MOGS: variants seen among roughly 807,000 people sequenced by gnomAD.
MOGS encodes the protein epididymis secretory sperm binding protein.
In MOGS, 45 loss-of-function variants were observed where a neutral mutation model predicts 68.5. The ratio of observed to expected loss-of-function variants is 0.66; its 90% CI spans 0.52 to 0.84. The LOEUF (loss-of-function observed/expected upper bound fraction) is 0.84. MOGS is among the 40% of genes least tolerant of loss of function. The probability of loss-of-function intolerance (pLI) is 0.00; values close to 1 mark genes in which losing one functional copy is unlikely to be tolerated. For synonymous variants in MOGS, 492 were observed against 461.2 expected (o/e 1.07, Z -0.86); for missense variants, 1,020 against 1,095.0 (o/e 0.93, Z 0.97).
chr2:74,463,306 C>G lies in MOGS; in HGVS notation c.660G>C (p.Glu220Asp), dbSNP rs759959086. The G allele has an allele frequency of 8.1e-6, 13 of 1,614,064 alleles. No homozygotes were observed. The highest frequency in any genetic ancestry group is 6.8e-6 in the Non-Finnish European group (8 of 1,180,054). ...ACTTCAACTGCCCCTTGGCCCCAAC[C>G]TCTGGTAGTAGGACTTCCTTGCCAT... is the stretch of plus-strand genomic sequence containing the variant. ...VTDGKEVLLP[E>D]VGAKGQLKFI... The change falls in exon 3 of 4, where the codon GAG becomes GAC. Residue 220 changes from glutamate to aspartate, a missense_variant. Physicochemically the swap from Glu to Asp is conservative, Grantham distance 45 (BLOSUM62 2). Around this residue, in one of 3 missense-constraint regions of MOGS, gnomAD observed 569 missense variants for 571.9 expected, o/e 0.99. Coordinates refer to ENST00000448666, the MANE Select transcript of MOGS (RefSeq NM_006302.3).
Position 74,461,580 on chromosome 2 carries a change from A to C in MOGS, c.2209T>G (p.Phe737Val), listed in dbSNP as rs1365187021. The C allele has an allele frequency of 1.2e-6, 2 of 1,613,854 alleles. No individual in the cohort carries two copies. The highest frequency in any genetic ancestry group is 2.7e-5 in the African/African-American group (2 of 74,930). Residue 737 changes from phenylalanine to valine, a missense_variant, in exon 4 of 4, where the codon TTT becomes GTT. Phe to Val is a conservative substitution (Grantham distance 50). Around this residue, in one of 3 missense-constraint regions of MOGS, gnomAD observed 270 missense variants for 261.3 expected, o/e 1.03. Transcript: ENST00000448666. The stretch of plus-strand genomic sequence containing the variant: ...TGCTCTGAATTGCGCTGGCCATAAA[A>C]GGAGCTGGAGGCTGCAAGGGAGCGT... The part of the protein sequence containing the change: ...GLRSLAASSS[F>V]YGQRNSEHDP...
At position 74,461,683 on chromosome 2, in the gene MOGS, C is replaced by T; in HGVS notation, c.2106G>A (p.Leu702=). 1 of 1,614,180 alleles carries T rather than the reference C, an allele frequency of 6.2e-7. No homozygotes were observed. Among genetic ancestry groups the T allele is most frequent in the South Asian group, 1.1e-5 (1 of 91,084 alleles). Residue 702 remains leucine, a synonymous_variant, in exon 4 of 4, where the codon CTG becomes CTA. Transcript: ENST00000448666. ...VSLFPLLLRL[L]DPTSSRLGPL... is the part of the protein sequence containing the mutation. ...GCCCAAGGCGGGATGAGGTGGGGTC[C>T]AGCAGTCGCAGCAGCAAGGGAAAAA... is the stretch of plus-strand genomic sequence containing the variant.
chr2:74,464,295 G>C (rs946398428), intron 2 of MOGS: 1 of 596,824 alleles, frequency 1.7e-6, no homozygotes, highest in Non-Finnish European at 3.0e-6. Flanking sequence ...TGTGAGTTAA[G>C]TGCTATTATT....
At position 74,462,355 on chromosome 2, in the gene MOGS, T is replaced by C. The variant is rs764300442; in HGVS notation, c.1434A>G (p.Leu478=). Residue 478 remains leucine (L), a synonymous_variant, in exon 4 of 4, where the codon CTA becomes CTG. Transcript: ENST00000448666. ...REALGHWLGL[L]NADGWIGREQ... ...CCCTCCCAATCCAGCCATCAGCATT[T>C]AGCAGCCCCAGCCAGTGGCCAAGGG... 15 of 1,614,040 alleles carry C rather than the reference T, an allele frequency of 9.3e-6. No individual in the cohort carries two copies. The highest frequency in any genetic ancestry group is 1.2e-5 in the Non-Finnish European group (14 of 1,179,988).
chr2:74,464,184 C>A (rs566684273), intron 2 of MOGS, among the ~76,000 whole-genome samples: 1 of 152,008 alleles, frequency 6.6e-6, no homozygotes, highest in South Asian at 2.1e-4. Context: ...GTCTGGAACT[C>A]CTGACCTCAG....
At position 74,462,594 on chromosome 2, in the gene MOGS, G is replaced by C; in HGVS notation, c.1195C>G (p.Leu399Val). The stretch of plus-strand genomic sequence containing the variant: ...CCGTAGAAGTAGCCAATTCCACCAA[G>C]GAGGCCGCTGAGGGCAGCCTGACCC... Reference protein sequence around the residue: ...VLGQAALSGLLGGIGYFYGQG... With the variant: ...VLGQAALSGLVGGIGYFYGQG... Residue 399 changes from leucine to valine, a missense_variant, in exon 4 of 4, where the codon CTT becomes GTT. Leu to Val is a conservative substitution (Grantham distance 32). This residue lies in a region of MOGS where 569 missense variants were observed against 571.9 expected (regional missense o/e 0.99). Transcript: ENST00000448666. The C allele has an allele frequency of 1.2e-6, 2 of 1,614,042 alleles. No homozygotes were observed. The highest frequency in any genetic ancestry group is 1.7e-6 in the Non-Finnish European group (2 of 1,179,952).
Position 74,462,950 on chromosome 2 carries a change from C to T in MOGS, c.839G>A (p.Arg280His), listed in dbSNP as rs571061699. ...CCGATGCTGAAACCAGCTATTTAGG[C>T]GACTCTTTACCATCTCTGTCAGCAG... is the stretch of plus-strand genomic sequence containing the variant. The part of the protein sequence containing the change: ...LPLLTEMVKS[R>H]LNSWFQHRPP... Residue 280 changes from arginine (R) to histidine (H), a missense_variant, in exon 4 of 4, where the codon CGC (arginine) becomes CAC (histidine). Coordinates refer to ENST00000448666, the MANE Select transcript of MOGS (RefSeq NM_006302.3). 2.4e-5 allele frequency: 38 copies of T among 1,614,166 alleles called. No homozygotes were observed. The South Asian group carries it at 2.7e-4, about 12-fold the overall frequency.
In MOGS at chr2:74,465,310, T is replaced by C; in HGVS notation, c.-63A>G. 1 of 1,247,932 alleles carries C rather than the reference T, an allele frequency of 8.0e-7. No homozygotes were observed. The highest frequency in any genetic ancestry group is 1.0e-6 in the Non-Finnish European group (1 of 973,456). The allele number at this position is 1,247,932 out of a possible 1,614,324, so 77.3% of individuals were successfully genotyped here. On this transcript the variant is annotated 5_prime_UTR_variant, in exon 1 of 4. Coordinates refer to ENST00000448666, the MANE Select transcript of MOGS (RefSeq NM_006302.3). Reference sequence around the variant, plus strand: ...GCGGCAGTGGAGCCCGGGTCCTGCCTCACCTCTCCGGCTCCCGCCTCTCGC... The same window carrying C: ...GCGGCAGTGGAGCCCGGGTCCTGCCCCACCTCTCCGGCTCCCGCCTCTCGC...
At chr2:74,463,499 AAAC>A (rs1259042252) in intron 2 of MOGS, 113 bp from the exon 3 acceptor site, 1 of 1,120,290 alleles carries the variant, frequency 8.9e-7, no homozygotes, top group Non-Finnish European at 1.3e-6. Context: ...GGGGTAATGT[AAAC>A]AACATACGTC....
intron 3 of MOGS, 80 bp downstream of exon 3, chr2:74,463,110 C>T: frequency 3.7e-6 from 6 of 1,610,106 alleles, no homozygotes; most frequent in Non-Finnish European, 5.1e-6. Context: ...GTTGGGAGGT[C>T]TCAGGCAGGG....
rs1213805068 is a variant in MOGS, at chr2:74,462,300, G to A, written c.1489C>T (p.Arg497Trp). 1.5e-5 allele frequency: 24 copies of A among 1,613,804 alleles called. No homozygotes were observed. The highest frequency in any genetic ancestry group is 2.2e-5 in the South Asian group (2 of 91,078). ...EQILGDEARA[R>W]VPPEFLVQRA... ...TGTACTAGGAATTCTGGAGGCACCC[G>A]GGCTCGGGCCTCATCCCCCAGTATC... is the stretch of plus-strand genomic sequence containing the variant. Residue 497 changes from arginine (R) to tryptophan (W), a missense_variant, in exon 4 of 4, where the codon CGG becomes TGG. By Grantham distance (101) the Arg-to-Trp change is moderately radical. This residue lies in a region of MOGS where 181 missense variants were observed against 261.8 expected (regional missense o/e 0.69). Transcript: ENST00000448666.
Position 74,465,366 on chromosome 2 carries a change from T to G in MOGS, c.-119A>C, listed in dbSNP as rs755460331. The G allele has an allele frequency of 1.2e-5, 6 of 487,438 alleles. No individual in the cohort carries two copies. The highest frequency in any genetic ancestry group is 2.0e-5 in the Non-Finnish European group (6 of 293,344). The allele number at this position is 487,438 out of a possible 1,614,324, so 30.2% of individuals were successfully genotyped here. A position where few individuals can be genotyped will look rare whatever the true frequency, so the allele number is the denominator to read the frequency against. ...CGACCACCGTCCGGTTAGCGACACC[T>G]GCCAGCCAGCGCCTGCGCCTCCGCC... On this transcript the variant is annotated 5_prime_UTR_variant, in exon 1 of 4. Coordinates refer to ENST00000448666, the MANE Select transcript of MOGS (RefSeq NM_006302.3).
chr2:74,464,754 G>T (rs760341267), intron 1 of MOGS, 32 bp from the exon 2 acceptor site: 1 of 1,599,034 alleles, frequency 6.3e-7, no homozygotes, highest in Non-Finnish European at 8.5e-7. Context: ...AAGTCAAAGA[G>T]CAGGGGACCT....
In MOGS at chr2:74,464,572, A is replaced by G; in HGVS notation, c.503T>C (p.Leu168Pro). 1 of 1,614,110 alleles carries G rather than the reference A, an allele frequency of 6.2e-7. No individual in the cohort carries two copies. Among genetic ancestry groups the G allele is most frequent in the Admixed American group, 1.7e-5 (1 of 60,024 alleles). ...RQHIQDGALRLTTEFVKRPGG... is the reference protein window; with the variant it reads ...RQHIQDGALRPTTEFVKRPGG... Reference sequence around the variant, plus strand: ...AGGCCTCTTGACGAACTCAGTGGTGAGCCTTAAGGCCCCATCCTGGATGTG... The same window carrying G: ...AGGCCTCTTGACGAACTCAGTGGTGGGCCTTAAGGCCCCATCCTGGATGTG... The change falls in exon 2 of 4, where the codon CTC becomes CCC. Residue 168 changes from leucine to proline, a missense_variant. This residue lies in a region of MOGS where 569 missense variants were observed against 571.9 expected (regional missense o/e 0.99). Transcript: ENST00000448666.
chr2:74,465,353 G>T lies in MOGS; in HGVS notation c.-106C>A. On this transcript the variant is annotated 5_prime_UTR_variant, in exon 1 of 4. Coordinates refer to ENST00000448666, the MANE Select transcript of MOGS (RefSeq NM_006302.3). Reference sequence around the variant, plus strand: ...CCTCTCGCCCTGGCGACCACCGTCCGGTTAGCGACACCTGCCAGCCAGCGC... The same window carrying T: ...CCTCTCGCCCTGGCGACCACCGTCCTGTTAGCGACACCTGCCAGCCAGCGC... The T allele has an allele frequency of 3.5e-6, 2 of 575,042 alleles. No homozygotes were observed. Among genetic ancestry groups the T allele is most frequent in the East Asian group, 3.5e-5 (1 of 28,626 alleles). 35.6% of individuals were successfully genotyped at this position (575,042 alleles called of 1,614,324 possible).
In MOGS at chr2:74,462,018, G is replaced by A. The variant is rs751130272; in HGVS notation, c.1771C>T (p.Pro591Ser). The stretch of plus-strand genomic sequence containing the variant: ...TCCAGGTGCCGCTCGGTTACTGAAG[G>A]GTGTGAAGCCCGGGGGTAGTCATCC... ...GLDDYPRASHPSVTERHLDLR... is the reference protein window; with the variant it reads ...GLDDYPRASHSSVTERHLDLR... Residue 591 changes from proline to serine, a missense_variant, in exon 4 of 4, where the codon CCT becomes TCT. Transcript: ENST00000448666. 1 of 1,614,210 alleles carries A rather than the reference G, an allele frequency of 6.2e-7. No homozygotes were observed. Among genetic ancestry groups the A allele is most frequent in the African/African-American group, 1.3e-5 (1 of 75,054 alleles).
Position 74,462,501 on chromosome 2 carries a change from G to T in MOGS, c.1288C>A (p.Pro430Thr). The change falls in exon 4 of 4, where the codon CCA becomes ACA. Residue 430 changes from proline to threonine, a missense_variant. Around this residue, in one of 3 missense-constraint regions of MOGS, gnomAD observed 569 missense variants for 571.9 expected, o/e 0.99. Coordinates refer to ENST00000448666, the MANE Select transcript of MOGS (RefSeq NM_006302.3). ...SEQKVDPALFPPVPLFTAVPS... is the reference protein window; with the variant it reads ...SEQKVDPALFTPVPLFTAVPS... ...ACTGCTGTAAAAAGAGGTACGGGTG[G>T]AAAGAGGGCTGGGTCCACCTTCTGC... 1 of 1,608,062 alleles carries T rather than the reference G, an allele frequency of 6.2e-7. No homozygotes were observed. Among genetic ancestry groups the T allele is most frequent in the Non-Finnish European group, 8.5e-7 (1 of 1,175,992 alleles).
intron 1 of MOGS, 87 bp from the exon 2 acceptor site, chr2:74,464,809 T>C (rs928210213): frequency 1.4e-5 from 22 of 1,557,366 alleles, no homozygotes; most frequent in Non-Finnish European, 1.8e-5. Flanking sequence ...ACTCTCCTGA[T>C]CCATTCCTTC....
chr2:74,461,913 C>G lies in MOGS; in HGVS notation c.1876G>C (p.Glu626Gln). The G allele has an allele frequency of 6.2e-7, 1 of 1,614,122 alleles. No individual in the cohort carries two copies. The highest frequency in any genetic ancestry group is 2.2e-5 in the East Asian group (1 of 44,868). Reference protein sequence around the residue: ...EHLGEAEVAAELGPLAASLEA... With the variant: ...EHLGEAEVAAQLGPLAASLEA... The stretch of plus-strand genomic sequence containing the variant: ...AGTGAGGCAGCCAGTGGGCCCAGCT[C>G]AGCAGCTACCTCAGCCTCACCCAGA... The change falls in exon 4 of 4, where the codon GAG becomes CAG. Residue 626 changes from glutamate to glutamine, a missense_variant. Coordinates refer to ENST00000448666, the MANE Select transcript of MOGS (RefSeq NM_006302.3).
Sources: allele counts gnomAD v4.1 joint callset (sites outside exome capture counted in the v4.1 genomes callset), GRCh38; gene constraint gnomAD v4.1.1; regional missense constraint gnomAD v4.1.1; transcripts MANE v1.5; gene names NCBI Gene and HGNC (gene_info 2026-07-23, HGNC 2026-07-21).